RFC1: variants seen among roughly 807,000 people sequenced by gnomAD.
The protein encoded by RFC1 is A1 140 kDa subunit.
RFC1 carries 37 observed loss-of-function variants against 137.4 expected under a neutral mutation model. The ratio of observed to expected loss-of-function variants is 0.27; its 90% CI spans 0.21 to 0.35. The LOEUF (loss-of-function observed/expected upper bound fraction) is 0.35, where lower values mean the gene tolerates loss of function less well. Among genes scored for constraint, RFC1 ranks in the 10% least tolerant of loss-of-function variants. RFC1 has a pLI of 1.00. For synonymous variants in RFC1, 429 were observed against 455.7 expected, an observed-to-expected ratio of 0.94 and a Z score of 0.75; for missense variants, 1,205 against 1,358.5, an observed-to-expected ratio of 0.89 and a Z score of 1.78.
In RFC1 at chr4:39,288,650, T is replaced by C. The variant is rs55728532; in HGVS notation, c.*111A>G. On this transcript the variant is annotated 3_prime_UTR_variant, in exon 25 of 25. Transcript: ENST00000349703. ...TTATTTATAATGGGACACCAGGTCA[T>C]CCCATTATGCTAAAACATGGTTGCT... 27 of 715,484 alleles carry C rather than the reference T, an allele frequency of 3.8e-5. No individual in the cohort carries two copies. In the African/African-American group the frequency reaches 4.4e-4, roughly 12 times the overall value. 44.3% of individuals were successfully genotyped at this position (715,484 alleles called of 1,614,324 possible).
At chr4:39,321,081 A>G (rs1739497002) in intron 8 of RFC1, among the ~76,000 whole-genome samples, 1 of 152,226 alleles carries the variant, frequency 6.6e-6, no homozygotes, top group South Asian at 2.1e-4. Context: ...CAATTCTCAC[A>G]GTAATCATAG....
intron 1 of RFC1, among the ~76,000 whole-genome samples, chr4:39,352,644 T>A (rs180914920): frequency 7.2e-5 from 11 of 152,324 alleles, no homozygotes; most frequent in Middle Eastern, 3.4e-3. Context: ...TAATTATGCA[T>A]CTACCACAAT....
At chr4:39,355,096 A>AAACACAC (rs1553927298) in intron 1 of RFC1, among the ~76,000 whole-genome samples, 2 of 60,160 alleles carry the variant, frequency 3.3e-5, no homozygotes, top group Admixed American at 2.2e-4. Context: ...AAAAAAAAAA[A>AAACACAC]ATACACACAC....
intron 9 of RFC1, 109 bp from the exon 10 acceptor site, chr4:39,317,131 G>A (rs1739278623): frequency 1.5e-6 from 1 of 667,650 alleles, no homozygotes; most frequent in South Asian, 1.8e-5. Context: ...TTCTGTGTCT[G>A]GCTGTGAAAT....
At position 39,308,928 on chromosome 4, in the gene RFC1, C is replaced by T. The variant is rs1738827145; in HGVS notation, c.1593G>A (p.Pro531=). 4.3e-6 allele frequency: 7 copies of T among 1,613,956 alleles called. No homozygotes were observed. In the East Asian group the frequency reaches 6.7e-5, roughly 15 times the overall value. ...TTGCCAAACTGTCCCTTTTGGAAGT[C>T]GGCCTGCTCTTTTTAGATTCTGATT... is the stretch of plus-strand genomic sequence containing the variant. ...KKESESKKSR[P]TSKRDSLAKT... The change falls in exon 13 of 25, where the codon CCG becomes CCA. Residue 531 remains proline (P), a synonymous_variant. Coordinates refer to ENST00000349703, the MANE Select transcript of RFC1 (RefSeq NM_002913.5).
intron 11 of RFC1, 77 bp downstream of exon 11, chr4:39,312,675 G>A: frequency 2.3e-6 from 3 of 1,277,074 alleles, no homozygotes; most frequent in South Asian, 1.9e-5. Context: ...TTAACTCTGA[G>A]TAAAGGGCAA....
At chr4:39,357,341 T>C (rs922990236) in intron 1 of RFC1, among the ~76,000 whole-genome samples, 2 of 152,328 alleles carry the variant, frequency 1.3e-5, no homozygotes, top group South Asian at 4.1e-4. Flanking sequence ...TTTACTATCA[T>C]TGAGCTTTAG....
chr4:39,303,548 G>A (rs910077993), intron 15 of RFC1, among the ~76,000 whole-genome samples: 1 of 152,158 alleles, frequency 6.6e-6, no homozygotes, highest in Non-Finnish European at 1.5e-5. Flanking sequence ...CCGCCTCCCG[G>A]GTTCAAGCAA....
At chr4:39,338,960 C>T (rs759647516) in intron 4 of RFC1, among the ~76,000 whole-genome samples, 1 of 152,156 alleles carries the variant, frequency 6.6e-6, no homozygotes, top group Non-Finnish European at 1.5e-5. Context: ...TCTCTATTGA[C>T]TTCTTTTTTA....
At chr4:39,332,471 T>C (rs924427803) in intron 4 of RFC1, among the ~76,000 whole-genome samples, 5 of 152,244 alleles carry the variant, frequency 3.3e-5, no homozygotes, top group African/African-American at 1.2e-4. Context: ...TTTAGTCAAC[T>C]AGTCCTACCT....
intron 10 of RFC1, among the ~76,000 whole-genome samples, chr4:39,314,647 G>A (rs552223204): frequency 6.6e-6 from 1 of 152,082 alleles, no homozygotes; most frequent in South Asian, 2.1e-4. Flanking sequence ...AGGCAAGACT[G>A]GCATCTTCCT....
intron 2 of RFC1, among the ~76,000 whole-genome samples, chr4:39,348,623 T>C (rs578101038): frequency 6.1e-4 from 92 of 152,036 alleles, no homozygotes; most frequent in African/African-American, 2.1e-3. Flanking sequence ...GCTGTCAGAC[T>C]TCTGAGATTC....
chr4:39,304,211 A>G (rs1380686822), intron 15 of RFC1, among the ~76,000 whole-genome samples: 1 of 152,196 alleles, frequency 6.6e-6, no homozygotes, highest in African/African-American at 2.4e-5. Context: ...TAACTTGAGC[A>G]TCTTATTTTC....
intron 15 of RFC1, among the ~76,000 whole-genome samples, chr4:39,304,497 A>G (rs1262107894): frequency 1.3e-5 from 2 of 152,210 alleles, no homozygotes; most frequent in African/African-American, 2.4e-5. Flanking sequence ...TAATGAGGTA[A>G]TAAGTCACAC....
intron 24 of RFC1, 50 bp downstream of exon 24, chr4:39,289,798 G>T: frequency 7.9e-7 from 1 of 1,267,524 alleles, no homozygotes; most frequent in Non-Finnish European, 1.2e-6. Context: ...CACCAGGCAA[G>T]GAAAGATCAT....
At position 39,289,853 on chromosome 4, in the gene RFC1, T is replaced by A. The variant is rs1347153662; in HGVS notation, c.3355A>T (p.Ile1119Phe). The change falls in exon 24 of 25, where the codon ATC becomes TTC. Residue 1119 changes from isoleucine (I) to phenylalanine (F), a missense_variant. Physicochemically the swap from Ile to Phe is conservative, Grantham distance 21. Around this residue, in one of 3 missense-constraint regions of RFC1, gnomAD observed 237 missense variants for 304.2 expected, o/e 0.78. Transcript: ENST00000349703. ...TCTGTGGCTTAAAATACTACCTTGA[T>A]CATGGCATCAGTTTCTATAGCATCT... ...DQDAIETDAMIKKKTKSSKPS... is the reference protein window; with the variant it reads ...DQDAIETDAMFKKKTKSSKPS... 6.2e-7 allele frequency: 1 copy of A among 1,607,824 alleles called. No individual in the cohort carries two copies. Among genetic ancestry groups the A allele is most frequent in the East Asian group, 2.2e-5 (1 of 44,854 alleles).
In RFC1 at chr4:39,295,690, T is replaced by C; in HGVS notation, c.2878A>G (p.Ser960Gly). ...GTAGACGAGTGCTTCCCCAGCCAGC[T>C]TGGGAAGGTGGGAAACTGGGTCATG... ...GYMTQFPTFP[S>G]WLGKHSSTGK... The change falls in exon 22 of 25, where the codon AGC becomes GGC. Residue 960 changes from serine to glycine, a missense_variant. By Grantham distance (56) the Ser-to-Gly change is moderately conservative. Coordinates refer to ENST00000349703, the MANE Select transcript of RFC1 (RefSeq NM_002913.5). 6.2e-7 allele frequency: 1 copy of C among 1,613,896 alleles called. No homozygotes were observed. Among genetic ancestry groups the C allele is most frequent in the African/African-American group, 1.3e-5 (1 of 75,020 alleles).
At chr4:39,352,503 A>G (rs1239808465) in intron 1 of RFC1, among the ~76,000 whole-genome samples, 1 of 152,224 alleles carries the variant, frequency 6.6e-6, no homozygotes, top group African/African-American at 2.4e-5. Flanking sequence ...AGGAAAGGGA[A>G]CAGACCTTAG....
At chr4:39,307,668 A>G (rs1011098997) in intron 13 of RFC1, among the ~76,000 whole-genome samples, 4 of 152,046 alleles carry the variant, frequency 2.6e-5, no homozygotes, top group African/African-American at 9.7e-5. Flanking sequence ...GTGAGCCAAG[A>G]TCGCACCACT....
Sources: allele counts gnomAD v4.1 joint callset (sites outside exome capture counted in the v4.1 genomes callset), GRCh38; gene constraint gnomAD v4.1.1; regional missense constraint gnomAD v4.1.1; transcripts MANE v1.5; gene names NCBI Gene and HGNC (gene_info 2026-07-23, HGNC 2026-07-21).